Variants in GPC5 observed in about 807,000 individuals in gnomAD.
GPC5 encodes the protein glypican-5.
Under a neutral mutation model 53.9 loss-of-function variants are expected in GPC5, and 47 were observed. The observed-to-expected ratio is 0.87, with a 90% CI of 0.69 to 1.11. GPC5 has a LOEUF of 1.11. Among genes scored for constraint, GPC5 ranks in the 50% most tolerant of loss-of-function variants. The pLI, the probability that GPC5 is intolerant of heterozygous loss-of-function variation, is 0.00. For synonymous variants in GPC5, 286 were observed against 263.3 expected, an observed-to-expected ratio of 1.09 and a Z score of -0.84; for missense variants, 748 against 713.1, an observed-to-expected ratio of 1.05 and a Z score of -0.56.
At chr13:92,385,833 T>A (rs557789903) in intron 7 of GPC5, among the ~76,000 whole-genome samples, 7 of 136,020 alleles carry the variant, frequency 5.1e-5, no homozygotes, top group African/African-American at 8.2e-5. Context: ...ATATATATAT[T>A]TTCAGATGAA....
At chr13:92,830,173 A>G (rs1878003227) in intron 7 of GPC5, among the ~76,000 whole-genome samples, 1 of 152,134 alleles carries the variant, frequency 6.6e-6, no homozygotes, top group Non-Finnish European at 1.5e-5. Context: ...TGGCTATGTC[A>G]TAATTCCTAT....
intron 1 of GPC5, 79 bp downstream of exon 1, chr13:91,399,288 T>C (rs1424612220): frequency 1.3e-5 from 19 of 1,501,224 alleles, no homozygotes; most frequent in Non-Finnish European, 1.7e-5. Context: ...TTGGTGGCAC[T>C]CGTGGGAAGA....
In GPC5 at chr13:91,399,208, A is replaced by G. The variant is rs1876724221; in HGVS notation, c.162A>G (p.Ala54=). The G allele has an allele frequency of 6.2e-7, 1 of 1,611,512 alleles. No homozygotes were observed. The highest frequency in any genetic ancestry group is 8.5e-7 in the Non-Finnish European group (1 of 1,179,508). The change falls in exon 1 of 8, where the codon GCA becomes GCG. Residue 54 remains alanine, a splice_region_variant and synonymous_variant. Coordinates refer to ENST00000377067, the MANE Select transcript of GPC5 (RefSeq NM_004466.6). ...AVRGLPDSPR[A]GPDLQVCISK... ...GGGGGCTGCCGGATTCGCCGCGGGCAGGTAAGGGGCAATGAGGGGGTCTCT... is the reference window on the plus strand; with the variant it reads ...GGGGGCTGCCGGATTCGCCGCGGGCGGGTAAGGGGCAATGAGGGGGTCTCT...
At chr13:92,481,493 G>A (rs564645948) in intron 7 of GPC5, among the ~76,000 whole-genome samples, 1 of 152,152 alleles carries the variant, frequency 6.6e-6, no homozygotes, top group Non-Finnish European at 1.5e-5. Context: ...GGGGAAAAGA[G>A]TTGGGCCAGT....
chr13:92,622,337 T>C (rs182146909), intron 7 of GPC5, among the ~76,000 whole-genome samples: 20 of 152,304 alleles, frequency 1.3e-4, no homozygotes, highest in Admixed American at 9.8e-4. Flanking sequence ...CAGGGATGGT[T>C]ATAGTTGCTC....
chr13:92,742,551 A>G (rs12429713), intron 7 of GPC5, among the ~76,000 whole-genome samples: 6,061 of 143,312 alleles, frequency 0.042, 377 homozygotes, highest in East Asian at 0.28. Context: ...CTCTGACGGT[A>G]GTTTCTTTTG....
intron 7 of GPC5, among the ~76,000 whole-genome samples, chr13:92,672,931 G>A (rs1204119110): frequency 1.3e-5 from 2 of 152,000 alleles, no homozygotes; most frequent in African/African-American, 4.8e-5. Context: ...ATAACTAATG[G>A]GTGATAGGCT....
chr13:92,413,501 TTA>T (rs1424840363), intron 7 of GPC5, among the ~76,000 whole-genome samples: 2 of 152,210 alleles, frequency 1.3e-5, no homozygotes, highest in African/African-American at 4.8e-5. Context: ...CTAAGCTTTT[TTA>T]TGTTTACTTA....
At chr13:92,589,448 C>T (rs1883647415) in intron 7 of GPC5, among the ~76,000 whole-genome samples, 1 of 152,078 alleles carries the variant, frequency 6.6e-6, no homozygotes, top group African/African-American at 2.4e-5. Context: ...AGCTTTATTC[C>T]CCAAAATTGG....
At chr13:91,984,386 A>G (rs1357391695) in intron 6 of GPC5, among the ~76,000 whole-genome samples, 1 of 152,240 alleles carries the variant, frequency 6.6e-6, no homozygotes, top group African/African-American at 2.4e-5. Flanking sequence ...TGATGATAAC[A>G]TGCTAACAGC....
chr13:92,641,374 T>TA (rs1230195217), intron 7 of GPC5, among the ~76,000 whole-genome samples: 1 of 152,048 alleles, frequency 6.6e-6, no homozygotes, highest in African/African-American at 2.4e-5. Context: ...GTAAAATTAC[T>TA]AGCCTGAATT....
intron 7 of GPC5, among the ~76,000 whole-genome samples, chr13:92,382,921 C>G (rs886679382): frequency 6.8e-6 from 1 of 147,560 alleles, no homozygotes; most frequent in Non-Finnish European, 1.5e-5. Context: ...GAGAATAGCG[C>G]GAACCCGGGA....
chr13:92,438,504 T>C (rs147851276), intron 7 of GPC5, among the ~76,000 whole-genome samples: 51 of 151,644 alleles, frequency 3.4e-4, no homozygotes, highest in Non-Finnish European at 1.3e-4. Flanking sequence ...TGGCTTGCAT[T>C]GAGGGAGAGA....
intron 2 of GPC5, among the ~76,000 whole-genome samples, chr13:91,621,104 G>A (rs943150342): frequency 6.6e-6 from 1 of 152,052 alleles, no homozygotes; most frequent in African/African-American, 2.4e-5. Flanking sequence ...AGATCTCTCT[G>A]CTTAATTTCA....
intron 7 of GPC5, among the ~76,000 whole-genome samples, chr13:92,587,241 T>C (rs1883566285): frequency 6.6e-6 from 1 of 152,182 alleles, no homozygotes; most frequent in Admixed American, 6.5e-5. Flanking sequence ...AGAACTAAAA[T>C]ATAAAGAAAG....
intron 7 of GPC5, among the ~76,000 whole-genome samples, chr13:92,701,968 TA>T (rs1300213540): frequency 1.3e-5 from 2 of 152,112 alleles, no homozygotes; most frequent in Non-Finnish European, 2.9e-5. Flanking sequence ...ACTTAAATGA[TA>T]AGCTCTTCCA....
intron 6 of GPC5, among the ~76,000 whole-genome samples, chr13:91,967,426 TAGA>T (rs1407944521): frequency 6.6e-6 from 1 of 152,124 alleles, no homozygotes; most frequent in Non-Finnish European, 1.5e-5. Flanking sequence ...TATACTCAGT[TAGA>T]AGAACTTAAA....
intron 7 of GPC5, among the ~76,000 whole-genome samples, chr13:92,307,643 G>A (rs2043119390): frequency 6.6e-6 from 1 of 152,156 alleles, no homozygotes; most frequent in Non-Finnish European, 1.5e-5. Flanking sequence ...GCTCAAACTT[G>A]TGTAAAACAA....
chr13:91,539,424 G>A (rs530446670), intron 2 of GPC5, among the ~76,000 whole-genome samples: 1 of 152,162 alleles, frequency 6.6e-6, no homozygotes, highest in Non-Finnish European at 1.5e-5. Context: ...GTCTCTGTGG[G>A]TTTCTTTCCC....
Sources: gnomAD v4.1 joint callset for allele counts (sites outside exome capture counted in the v4.1 genomes callset) on GRCh38, gnomAD v4.1.1 for gene constraint, MANE v1.5 for transcripts, NCBI Gene and HGNC (gene_info 2026-07-23, HGNC 2026-07-21) for gene names.